The following NELL1 variants were observed in gnomAD, a reference collection of about 807,000 sequenced individuals.
The protein encoded by NELL1 is neural EGFL like 1.
A neutral mutation model predicts 107.4 loss-of-function variants in NELL1; 76 were observed. That is an observed-to-expected ratio of 0.71 (90% confidence interval 0.59 to 0.86). The LOEUF (loss-of-function observed/expected upper bound fraction) is 0.86, where lower values mean the gene tolerates loss of function less well. Among genes scored for constraint, NELL1 ranks in the 40% least tolerant of loss-of-function variants. The pLI, the probability that NELL1 is intolerant of heterozygous loss-of-function variation, is 0.00. For synonymous variants in NELL1, 353 were observed against 341.2 expected, an observed-to-expected ratio of 1.03 and a Z score of -0.38; for missense variants, 1,024 against 1,005.5, an observed-to-expected ratio of 1.02 and a Z score of -0.25.
At chr11:20,958,055 C>A (rs1048037489) in intron 11 of NELL1, among the ~76,000 whole-genome samples, 1 of 151,978 alleles carries the variant, frequency 6.6e-6, no homozygotes, top group African/African-American at 2.4e-5. Flanking sequence ...AAGAATCTCC[C>A]CAAATCCTAA....
At chr11:21,185,296 T>TC (rs1004608359) in intron 13 of NELL1, among the ~76,000 whole-genome samples, 2 of 147,006 alleles carry the variant, frequency 1.4e-5, no homozygotes, top group Non-Finnish European at 3.0e-5. Context: ...CCAGTATCTT[T>TC]TTTTTTTTTT....
Position 21,488,173 on chromosome 11 carries a change from G to A in NELL1, c.1646-46201G>A, listed in dbSNP as rs189102073. ...TTTAAATTGGACTTTAGACCAAGTG[G>A]ATCTGACAGACATTTACAGAACATT... On this transcript the variant is annotated intron_variant, in intron 15 of 19. Coordinates refer to ENST00000357134, the MANE Select transcript of NELL1 (RefSeq NM_006157.5). 3.5e-3 allele frequency among the ~76,000 whole-genome samples: 527 copies of A among 152,106 alleles called. 4 individuals carry two copies. Among genetic ancestry groups the A allele is most frequent in the African/African-American group, 0.012 (490 of 41,484 alleles).
At chr11:21,552,667 T>C (rs1856619811) in intron 16 of NELL1, among the ~76,000 whole-genome samples, 1 of 151,800 alleles carries the variant, frequency 6.6e-6, no homozygotes, top group African/African-American at 2.4e-5. Context: ...AGAGCTATTT[T>C]ACCGAACCAG....
intron 7 of NELL1, among the ~76,000 whole-genome samples, chr11:20,924,994 T>C (rs1041009841): frequency 4.6e-5 from 7 of 152,202 alleles, no homozygotes; most frequent in Non-Finnish European, 1.0e-4. Context: ...TGTGAATGAA[T>C]TGATGTTTAG....
intron 15 of NELL1, among the ~76,000 whole-genome samples, chr11:21,393,150 T>C (rs1375810479): frequency 1.3e-5 from 2 of 151,602 alleles, no homozygotes; most frequent in Non-Finnish European, 3.0e-5. Flanking sequence ...TAGTGCATAA[T>C]TGGGGTTGAA....
chr11:20,850,735 G>T (rs1848780694), intron 4 of NELL1, among the ~76,000 whole-genome samples: 1 of 152,124 alleles, frequency 6.6e-6, no homozygotes, highest in East Asian at 1.9e-4. Flanking sequence ...AATCCTGGGA[G>T]CTGCTTGGAA....
chr11:21,209,591 G>T (rs1268664012), intron 13 of NELL1, among the ~76,000 whole-genome samples: 1 of 151,872 alleles, frequency 6.6e-6, no homozygotes, highest in Non-Finnish European at 1.5e-5. Context: ...ATTTTTAACA[G>T]TTTGTTAAGA....
At position 21,125,891 on chromosome 11, in the gene NELL1, G is replaced by T. The variant is rs533531990; in HGVS notation, c.1426+12177G>T. Among the ~76,000 whole-genome samples the T allele has an allele frequency of 7.2e-5, 11 of 152,254 alleles. No homozygotes were observed. In the East Asian group the frequency reaches 2.1e-3, roughly 29 times the overall value. ...AGGCCTGGGTTTCTGCCCCAAGTAG[G>T]GTATTTATTCATAGCACCAACTCAA... On this transcript the variant is annotated intron_variant, in intron 13 of 19. Transcript: ENST00000357134.
intron 15 of NELL1, among the ~76,000 whole-genome samples, chr11:21,404,011 C>CCCA (rs1554905743): frequency 9.1e-6 from 1 of 109,482 alleles, no homozygotes; most frequent in Admixed American, 9.3e-5. Context: ...CTGAACCCCC[C>CCCA]CCCCCGCAAT....
intron 12 of NELL1, among the ~76,000 whole-genome samples, chr11:21,091,355 G>A (rs1854515724): frequency 6.6e-6 from 1 of 152,204 alleles, no homozygotes; most frequent in Non-Finnish European, 1.5e-5. Context: ...ACTCAGTTAT[G>A]TGAGAACGGG....
intron 3 of NELL1, among the ~76,000 whole-genome samples, chr11:20,785,356 T>C (rs1856933217): frequency 6.6e-6 from 1 of 152,230 alleles, no homozygotes; most frequent in African/African-American, 2.4e-5. Context: ...GTGATGTACA[T>C]GTCTGTGAGA....
At chr11:21,160,723 A>C (rs1856345855) in intron 13 of NELL1, among the ~76,000 whole-genome samples, 2 of 152,162 alleles carry the variant, frequency 1.3e-5, no homozygotes, top group African/African-American at 4.8e-5. Context: ...TTCAAGGCAA[A>C]AGAACCTAGG....
rs1554950553 is a variant in NELL1, at chr11:20,960,418, TTTG to T, written c.1172-11_1172-9del. 3.1e-6 allele frequency: 5 copies of T among 1,611,358 alleles called. No homozygotes were observed. The highest frequency in any genetic ancestry group is 3.4e-6 in the Non-Finnish European group (4 of 1,178,968). ...CCTCCTTTTCTGATGTACGTTTTTA[TTTG>T]TTTTTTCTAGGTCATAACTTTTGTG... On this transcript the variant is annotated splice_polypyrimidine_tract_variant and intron_variant, in intron 11 of 19. Transcript: ENST00000357134.
chr11:21,516,744 C>T (rs946356672), intron 15 of NELL1, among the ~76,000 whole-genome samples: 4 of 143,478 alleles, frequency 2.8e-5, no homozygotes, highest in African/African-American at 1.0e-4. Flanking sequence ...CACACATACA[C>T]ACACACACAC....
chr11:20,938,926 CTCTCTCTCTCTCTCTGTG>C (rs986975154), intron 10 of NELL1, among the ~76,000 whole-genome samples: 4 of 122,824 alleles, frequency 3.3e-5, no homozygotes, highest in Non-Finnish European at 7.4e-5. Flanking sequence ...CTCTCTCTCT[CTCTCTCTCTCTCTCTGTG>C]TGTGTGTGTG....
intron 14 of NELL1, among the ~76,000 whole-genome samples, chr11:21,336,069 A>G (rs191185044): frequency 1.3e-5 from 2 of 152,270 alleles, no homozygotes; most frequent in Admixed American, 6.5e-5. Context: ...CATTATTTAT[A>G]TACAACCTTA....
chr11:21,043,590 C>T (rs971182845), intron 12 of NELL1, among the ~76,000 whole-genome samples: 3 of 152,044 alleles, frequency 2.0e-5, no homozygotes, highest in African/African-American at 7.2e-5. Context: ...AGAGATGTAA[C>T]ATGTGATTTA....
intron 10 of NELL1, among the ~76,000 whole-genome samples, chr11:20,943,421 A>T (rs1162892940): frequency 6.6e-6 from 1 of 151,900 alleles, no homozygotes; most frequent in Non-Finnish European, 1.5e-5. Flanking sequence ...TGTCTCTACT[A>T]AAATACAAAA....
chr11:21,258,654 A>G (rs1274757545), intron 14 of NELL1, among the ~76,000 whole-genome samples: 1 of 151,922 alleles, frequency 6.6e-6, no homozygotes, highest in Non-Finnish European at 1.5e-5. Flanking sequence ...TGCTTTATTC[A>G]GTCTACTGAT....
Sources: gnomAD v4.1 joint callset for allele counts (sites outside exome capture counted in the v4.1 genomes callset) on GRCh38, gnomAD v4.1.1 for gene constraint, MANE v1.5 for transcripts, NCBI Gene and HGNC (gene_info 2026-07-23, HGNC 2026-07-21) for gene names.